The following ZNF518B variants were observed in gnomAD, a reference collection of about 807,000 sequenced individuals.
ZNF518B encodes the protein zinc finger protein 518B.
ZNF518B carries 23 observed loss-of-function variants against 56.3 expected under a neutral mutation model. That is an observed-to-expected ratio of 0.41 (90% CI 0.29 to 0.58). The LOEUF is 0.58. Ranked by LOEUF, ZNF518B falls within the 20% of genes least tolerant of loss-of-function variation. The probability of loss-of-function intolerance (pLI) is 0.32; values close to 1 mark genes in which losing one functional copy is unlikely to be tolerated. For missense variants in ZNF518B, 1,460 were observed against 1,272.1 expected, an observed-to-expected ratio of 1.15 and a Z score of -2.25; for synonymous variants, 529 against 465.9, an observed-to-expected ratio of 1.14 and a Z score of -1.74.
upstream of ZNF518B, among the ~76,000 whole-genome samples, chr4:10,460,307 AAAAAAAAAAAAAAAAACC>A (rs1277011114): frequency 7.9e-5 from 7 of 88,378 alleles, no homozygotes; most frequent in South Asian, 5.1e-4. Context: ...TCTGTCTCAA[AAAAAAAAAAAAAAAAACC>A]AAAAAAAAAA....
chr4:10,454,407 G>A (rs956718651), intron 2 of ZNF518B: 3 of 152,268 alleles, frequency 2.0e-5, no homozygotes, highest in Non-Finnish European at 4.4e-5. Flanking sequence ...CCTGCTGTGG[G>A]CTGCTGTTTT....
In ZNF518B at chr4:10,445,443, T is replaced by A; in HGVS notation, c.886A>T (p.Thr296Ser). The part of the protein sequence containing the change: ...KDVVCIPNKM[T>S]LSEPNEVNLF... ...TTGACTTCATTTGGCTCAGACAGGG[T>A]CATTTTATTTGGAATACAAACTACA... is the stretch of plus-strand genomic sequence containing the variant. The change falls in exon 3 of 3, where the codon ACC (threonine) becomes TCC (serine). Residue 296 changes from threonine to serine, a missense_variant. Physicochemically the swap from Thr to Ser is moderately conservative, Grantham distance 58. Transcript: ENST00000326756. 1 of 1,614,244 alleles carries A rather than the reference T, an allele frequency of 6.2e-7. No homozygotes were observed. Among genetic ancestry groups the A allele is most frequent in the Middle Eastern group, 1.6e-4 (1 of 6,062 alleles).
chr4:10,449,262 G>A (rs1715200789), intron 2 of ZNF518B, among the ~76,000 whole-genome samples: 1 of 152,214 alleles, frequency 6.6e-6, no homozygotes, highest in South Asian at 2.1e-4. Context: ...CAAAGCGAGT[G>A]AATCTAAGTC....
rs745458544 is a variant in ZNF518B, at chr4:10,445,696, T to A, written c.633A>T (p.Arg211Ser). The change falls in exon 3 of 3, where the codon AGA becomes AGT. Residue 211 changes from arginine (R) to serine (S), a missense_variant. Arg to Ser is a moderately radical substitution (Grantham distance 110, BLOSUM62 -1). Coordinates refer to ENST00000326756, the MANE Select transcript of ZNF518B (RefSeq NM_053042.3). ...GTTTCGCACCTGCCCTTTCATGTAC[T>A]CTCTTCGTGTGTTTGACAATATAAT... The part of the protein sequence containing the change: ...RNDYIVKHTK[R>S]VHERAGAKRP... The A allele has an allele frequency of 6.2e-6, 10 of 1,614,194 alleles. No individual in the cohort carries two copies. The highest frequency in any genetic ancestry group is 8.5e-6 in the Non-Finnish European group (10 of 1,180,042).
chr4:10,457,992 C>T (rs1027553115), upstream of ZNF518B, among the ~76,000 whole-genome samples: 3 of 152,164 alleles, frequency 2.0e-5, no homozygotes, highest in Admixed American at 2.0e-4. Flanking sequence ...CCTCCTCTAG[C>T]AGTTGGGCGT....
At chr4:10,458,536 T>G (rs1715641742), upstream of ZNF518B, among the ~76,000 whole-genome samples, 1 of 152,082 alleles carries the variant, frequency 6.6e-6, no homozygotes, top group South Asian at 2.1e-4. Context: ...CACTAAAGTA[T>G]CAGGAGCTGG....
chr4:10,453,130 G>A (rs1157673487), intron 2 of ZNF518B: 1 of 152,204 alleles, frequency 6.6e-6, no homozygotes, highest in East Asian at 1.9e-4. Flanking sequence ...TATAAAATGT[G>A]AATATTTCTC....
upstream of ZNF518B, among the ~76,000 whole-genome samples, chr4:10,458,723 A>G (rs1560177611): frequency 1.3e-5 from 2 of 152,214 alleles, no homozygotes; most frequent in Non-Finnish European, 2.9e-5. Flanking sequence ...AGCACCTATC[A>G]GAGAGAATAT....
chr4:10,450,631 T>C (rs2108993330), intron 2 of ZNF518B, among the ~76,000 whole-genome samples: 1 of 152,276 alleles, frequency 6.6e-6, no homozygotes, highest in Middle Eastern at 3.4e-3. Flanking sequence ...TACACACCTG[T>C]GAAGCTGAGT....
upstream of ZNF518B, among the ~76,000 whole-genome samples, chr4:10,457,810 T>C (rs539927041): frequency 2.6e-3 from 393 of 152,276 alleles, 3 homozygotes; most frequent in Admixed American, 4.8e-3. Context: ...GCCTCCAAAC[T>C]CGTCTTCTTG....
In ZNF518B at chr4:10,444,497, G is replaced by A; in HGVS notation, c.1832C>T (p.Pro611Leu). The A allele has an allele frequency of 6.2e-7, 1 of 1,614,136 alleles. No individual in the cohort carries two copies. Among genetic ancestry groups the A allele is most frequent in the Non-Finnish European group, 8.5e-7 (1 of 1,180,044 alleles). ...NITGEDRSQQ[P>L]GDKPLELKNS... is the part of the protein sequence containing the mutation. Reference sequence around the variant, plus strand: ...CTTTAATTCCAAAGGCTTATCCCCAGGCTGTTGAGATCTATCTTCTCCAGT... The same window carrying A: ...CTTTAATTCCAAAGGCTTATCCCCAAGCTGTTGAGATCTATCTTCTCCAGT... Residue 611 changes from proline (P) to leucine (L), a missense_variant, in exon 3 of 3, where the codon CCT becomes CTT. Coordinates refer to ENST00000326756, the MANE Select transcript of ZNF518B (RefSeq NM_053042.3).
chr4:10,460,422 C>T (rs1715711165), upstream of ZNF518B, among the ~76,000 whole-genome samples: 1 of 151,756 alleles, frequency 6.6e-6, no homozygotes, highest in Non-Finnish European at 1.5e-5. Flanking sequence ...AGGCTCAGCC[C>T]TCAGGGAACA....
rs977102668 is a variant in ZNF518B at position 10,443,425 on chromosome 4, G to T, written c.2904C>A (p.Gly968=). The change falls in exon 3 of 3, where the codon GGC becomes GGA. Residue 968 remains glycine, a synonymous_variant. Transcript: ENST00000326756. ...CTGATAAAACAACTTTGAGGACATT[G>T]CCTTTGTATTTATTTATTACCTTCA... is the stretch of plus-strand genomic sequence containing the variant. ...NVMKVINKYK[G]NVLKVVLSER... 8.1e-6 allele frequency: 13 copies of T among 1,614,072 alleles called. No individual in the cohort carries two copies. Among genetic ancestry groups the T allele is most frequent in the Non-Finnish European group, 1.0e-5 (12 of 1,180,038 alleles).
chr4:10,458,638 G>A (rs1316510075), upstream of ZNF518B, among the ~76,000 whole-genome samples: 1 of 152,218 alleles, frequency 6.6e-6, no homozygotes, highest in Non-Finnish European at 1.5e-5. Context: ...AGCTGCTAGG[G>A]TCCTGGTTTT....
chr4:10,447,647 CT>C (rs10675116), intron 2 of ZNF518B, among the ~76,000 whole-genome samples: 3,255 of 121,326 alleles, frequency 0.027, 52 homozygotes, highest in South Asian at 0.055. Context: ...ACAGAGTGAC[CT>C]TTTTTTTTTT....
chr4:10,451,557 T>C (rs973243309), intron 2 of ZNF518B: 2 of 152,240 alleles, frequency 1.3e-5, no homozygotes, highest in East Asian at 1.9e-4. Context: ...TTATTTTCCA[T>C]TTTTTAATTT....
In ZNF518B at chr4:10,441,931, T is replaced by C. The variant is rs902721761; in HGVS notation, c.*1173A>G. 2.0e-5 allele frequency: 3 copies of C among 152,192 alleles called. No homozygotes were observed. The highest frequency in any genetic ancestry group is 2.1e-4 in the South Asian group (1 of 4,828). The allele number at this position is 152,192 out of a possible 1,614,324, so 9.4% of individuals were successfully genotyped here. A position where few individuals can be genotyped will look rare whatever the true frequency, so the allele number is the denominator to read the frequency against. On this transcript the variant is annotated 3_prime_UTR_variant, in exon 3 of 3. Coordinates refer to ENST00000326756, the MANE Select transcript of ZNF518B (RefSeq NM_053042.3). ...ACTAGGGATCGTGTTCCTGTAACTT[T>C]AGCAAAAACAGTGGGAGGTCTCCAT...
At chr4:10,457,690 G>A (rs368259227), upstream of ZNF518B, among the ~76,000 whole-genome samples, 1 of 152,252 alleles carries the variant, frequency 6.6e-6, no homozygotes, top group East Asian at 1.9e-4. Flanking sequence ...ATCCCGGGGC[G>A]CCTGCCTTGT....
chr4:10,448,852 C>T (rs112556081), intron 2 of ZNF518B, among the ~76,000 whole-genome samples: 7 of 152,272 alleles, frequency 4.6e-5, no homozygotes, highest in African/African-American at 1.2e-4. Flanking sequence ...GAAGCTGGCA[C>T]ACACTTAAAT....
Sources: allele counts gnomAD v4.1 joint callset (sites outside exome capture counted in the v4.1 genomes callset), GRCh38; gene constraint gnomAD v4.1.1; transcripts MANE v1.5; gene names NCBI Gene and HGNC (gene_info 2026-07-23, HGNC 2026-07-21).